Variants in MAN1C1 observed in about 807,000 individuals in gnomAD.
The protein encoded by MAN1C1 is mannosidase alpha class 1C member 1.
A neutral mutation model predicts 71.5 loss-of-function variants in MAN1C1; 49 were observed. That is an observed-to-expected ratio of 0.69 (90% CI 0.54 to 0.87). The LOEUF (loss-of-function observed/expected upper bound fraction) is 0.87. Among genes scored for constraint, MAN1C1 ranks in the 40% least tolerant of loss-of-function variants. MAN1C1 has a pLI of 0.00. For synonymous variants in MAN1C1, 352 were observed against 343.7 expected, an observed-to-expected ratio of 1.02 and a Z score of -0.27; for missense variants, 743 against 835.0, an observed-to-expected ratio of 0.89 and a Z score of 1.36.
intron 2 of MAN1C1, among the ~76,000 whole-genome samples, chr1:25,687,986 C>T (rs373072126): frequency 4.6e-5 from 7 of 152,070 alleles, no homozygotes; most frequent in Admixed American, 2.0e-4. Flanking sequence ...TCGTGTTTCC[C>T]GAAGTCATCT....
intron 1 of MAN1C1, among the ~76,000 whole-genome samples, chr1:25,669,055 G>GGT (rs2045961722): frequency 6.6e-6 from 1 of 152,188 alleles, no homozygotes; most frequent in African/African-American, 2.4e-5. Context: ...TACCTCAAAA[G>GGT]CAAGTGCAGG....
intron 1 of MAN1C1, among the ~76,000 whole-genome samples, chr1:25,671,269 A>G (rs1418308057): frequency 6.6e-6 from 1 of 152,174 alleles, no homozygotes; most frequent in African/African-American, 2.4e-5. Flanking sequence ...ACGGGCTGGC[A>G]TAGGATTAAA....
intron 8 of MAN1C1, among the ~76,000 whole-genome samples, chr1:25,774,967 C>T (rs768343029): frequency 1.8e-4 from 28 of 152,262 alleles, no homozygotes; most frequent in Middle Eastern, 6.8e-3. Flanking sequence ...TTTGCATCTG[C>T]GTGTCTCAGT....
intron 2 of MAN1C1, among the ~76,000 whole-genome samples, chr1:25,714,591 A>G (rs2046655526): frequency 6.6e-6 from 1 of 152,214 alleles, no homozygotes. Context: ...GCAGATAAAA[A>G]AAAATGGGAG....
chr1:25,633,365 A>G (rs143686549), intron 1 of MAN1C1, among the ~76,000 whole-genome samples: 4 of 152,250 alleles, frequency 2.6e-5, no homozygotes, highest in South Asian at 2.1e-4. Flanking sequence ...TTTTGTCTCA[A>G]TGATCTGTCT....
chr1:25,670,046 C>A (rs2045973443), intron 1 of MAN1C1, among the ~76,000 whole-genome samples: 1 of 152,222 alleles, frequency 6.6e-6, no homozygotes, highest in African/African-American at 2.4e-5. Flanking sequence ...CAGTCTATGC[C>A]CACAGCTGGT....
chr1:25,782,536 TC>T lies in MAN1C1; in HGVS notation c.1651-47del. The T allele has an allele frequency of 2.3e-6, 3 of 1,325,556 alleles. No homozygotes were observed. The highest frequency in any genetic ancestry group is 1.8e-4 in the Middle Eastern group (1 of 5,548). 82.1% of individuals were successfully genotyped at this position (1,325,556 alleles called of 1,614,324 possible). ...GCATGCACAAGTCTTGAGGGGCCTTTCCTGTCCCGTGTTAAGGCTGTTTTCC... is the reference window on the plus strand; with the variant it reads ...GCATGCACAAGTCTTGAGGGGCCTTTCTGTCCCGTGTTAAGGCTGTTTTCC... On this transcript the variant is annotated intron_variant, in intron 10 of 11. Coordinates refer to ENST00000374332, the MANE Select transcript of MAN1C1 (RefSeq NM_020379.4). This position sits in a 1 kb window ranked among gnomAD's most constrained non-coding sequence, Gnocchi z 4.4.
At chr1:25,751,356 T>A in intron 4 of MAN1C1, among the ~76,000 whole-genome samples, 1 of 152,366 alleles carries the variant, frequency 6.6e-6, no homozygotes, top group Admixed American at 6.5e-5. Flanking sequence ...TCTCCTTCCA[T>A]GCATCTTCCC....
chr1:25,666,648 GTTTTATGTAATAGATTCT>G (rs1318781148), intron 1 of MAN1C1, among the ~76,000 whole-genome samples: 1 of 152,194 alleles, frequency 6.6e-6, no homozygotes, highest in African/African-American at 2.4e-5. Context: ...AGCCGACATC[GTTTTATGTAATAGATTCT>G]TTTCAGCTGC....
chr1:25,656,921 G>A (rs898111855), intron 1 of MAN1C1, among the ~76,000 whole-genome samples: 1 of 151,940 alleles, frequency 6.6e-6, no homozygotes, highest in African/African-American at 2.4e-5. Flanking sequence ...CGCCTCCTGG[G>A]TTCACACCGT....
In MAN1C1 at chr1:25,618,186, C is replaced by G. The variant is rs866949839; in HGVS notation, c.389C>G (p.Pro130Arg). 6.3e-7 allele frequency: 1 copy of G among 1,576,710 alleles called. No individual in the cohort carries two copies. Among genetic ancestry groups the G allele is most frequent in the African/African-American group, 1.4e-5 (1 of 73,820 alleles). Reference sequence around the variant, plus strand: ...ACGGCGGCCCGGGGCAATAGCATCCCGGCCTCCAGGCCCGGGGACGAGGGC... The same window carrying G: ...ACGGCGGCCCGGGGCAATAGCATCCGGGCCTCCAGGCCCGGGGACGAGGGC... ...EATAARGNSI[P>R]ASRPGDEGVP... Residue 130 changes from proline (P) to arginine (R), a missense_variant, in exon 1 of 12, where the codon CCG becomes CGG. By Grantham distance (103) the Pro-to-Arg change is moderately radical. Transcript: ENST00000374332.
In MAN1C1 at chr1:25,768,137, ACTACATACACTCCCC is replaced by A. The variant is rs150767278; in HGVS notation, c.1142-3504_1142-3490del. On this transcript the variant is annotated intron_variant, in intron 7 of 11. Coordinates refer to ENST00000374332, the MANE Select transcript of MAN1C1 (RefSeq NM_020379.4). ...ATCCACGCTCCCTTAACACACACAC[ACTACATACACTCCCC>A]CTACATACACTCCCCTCACACACCC... 2.2e-3 allele frequency among the ~76,000 whole-genome samples: 209 copies of A among 93,822 alleles called. 3 individuals carry two copies. Among genetic ancestry groups the A allele is most frequent in the African/African-American group, 8.9e-3 (185 of 20,716 alleles). 61.6% of individuals were successfully genotyped at this position (93,822 alleles called of 152,430 possible).
In MAN1C1 at chr1:25,764,556, G is replaced by T. The variant is rs1052299792; in HGVS notation, c.1141+589G>T. Among the ~76,000 whole-genome samples, 1 of 151,938 alleles carries T rather than the reference G, an allele frequency of 6.6e-6. No individual in the cohort carries two copies. The highest frequency in any genetic ancestry group is 2.4e-5 in the African/African-American group (1 of 41,374). On this transcript the variant is annotated intron_variant, in intron 7 of 11. Transcript: ENST00000374332. This position sits in a 1 kb window ranked among gnomAD's most constrained non-coding sequence, Gnocchi z 4.4. ...GCCACCCGAGTAGCTGGGACTACAA[G>T]CATGTGCCACCATGTCTGGCTACTT... is the stretch of plus-strand genomic sequence containing the variant.
rs142748479 is a variant in MAN1C1 at position 25,657,934 on chromosome 1, C to A, written c.541-28506C>A. 8.8e-3 allele frequency among the ~76,000 whole-genome samples: 1,334 copies of A among 152,296 alleles called. 11 individuals carry two copies. Among genetic ancestry groups the A allele is most frequent in the Non-Finnish European group, 0.016 (1,091 of 68,020 alleles). ...GGATGGAAGGAAGTGGATGGACACA[C>A]ACACAGCGTGACCCACCAGCCGGAC... On this transcript the variant is annotated intron_variant, in intron 1 of 11. Transcript: ENST00000374332.
chr1:25,679,964 T>A (rs1340796323), intron 1 of MAN1C1, among the ~76,000 whole-genome samples: 4 of 141,650 alleles, frequency 2.8e-5, no homozygotes, highest in African/African-American at 1.0e-4. Flanking sequence ...TATATATATA[T>A]ATATATATAT....
At chr1:25,655,831 C>T (rs1013134980) in intron 1 of MAN1C1, among the ~76,000 whole-genome samples, 1 of 152,068 alleles carries the variant, frequency 6.6e-6, no homozygotes, top group African/African-American at 2.4e-5. Context: ...ACTTTTGCCC[C>T]CAAACCTCCA....
rs1487187505 is a variant in MAN1C1 at position 25,769,210 on chromosome 1, A to G, written c.1142-2447A>G. Among the ~76,000 whole-genome samples, 1 of 149,624 alleles carries G rather than the reference A, an allele frequency of 6.7e-6. No individual in the cohort carries two copies. Among genetic ancestry groups the G allele is most frequent in the African/African-American group, 2.5e-5 (1 of 40,370 alleles). On this transcript the variant is annotated intron_variant, in intron 7 of 11. Coordinates refer to ENST00000374332, the MANE Select transcript of MAN1C1 (RefSeq NM_020379.4). This position sits in a 1 kb window ranked among gnomAD's most constrained non-coding sequence, Gnocchi z 4.8. ...CACTCGCCTCATGCACACACCCCAC[A>G]CACTACACATAGTCCCCTCATACAC...
chr1:25,627,447 G>A lies in MAN1C1; in HGVS notation c.540+9110G>A, dbSNP rs377748441. On this transcript the variant is annotated intron_variant, in intron 1 of 11. Transcript: ENST00000374332. ...GAGCCACCACGCCCAACTAATTTTT[G>A]TATTTTTAGTAGAGACGGGGTTTTG... is the stretch of plus-strand genomic sequence containing the variant. Among the ~76,000 whole-genome samples the A allele has an allele frequency of 3.9e-5, 6 of 152,046 alleles. No individual in the cohort carries two copies. The East Asian group carries it at 1.2e-3, about 29-fold the overall frequency.
intron 1 of MAN1C1, among the ~76,000 whole-genome samples, chr1:25,629,283 C>A (rs1419817207): frequency 6.6e-6 from 1 of 152,144 alleles, no homozygotes; most frequent in Non-Finnish European, 1.5e-5. Flanking sequence ...TTAGTAATGT[C>A]ATTCTTGCAG....
Sources: gnomAD v4.1 joint callset for allele counts (sites outside exome capture counted in the v4.1 genomes callset) on GRCh38, gnomAD v4.1.1 for gene constraint, Gnocchi (gnomAD v3.1) non-coding constraint, MANE v1.5 for transcripts, NCBI Gene and HGNC (gene_info 2026-07-23, HGNC 2026-07-21) for gene names.